The following OPN3 variants were observed in gnomAD, a reference collection of about 807,000 sequenced individuals.
OPN3 encodes the protein opsin 3.
OPN3 carries 29 observed loss-of-function variants against 33.8 expected under a neutral mutation model. The observed-to-expected ratio is 0.86, with a 90% CI of 0.64 to 1.17. OPN3 has a LOEUF of 1.17. Among genes scored for constraint, OPN3 ranks in the 50% most tolerant of loss-of-function variants. The pLI is 0.00. For synonymous variants in OPN3, 216 were observed against 216.1 expected (o/e 1.00, Z 0.00); for missense variants, 437 against 514.1 (o/e 0.85, Z 1.45).
intron 1 of OPN3, among the ~76,000 whole-genome samples, chr1:241,636,483 TTC>T (rs1393944806): frequency 1.3e-5 from 2 of 152,204 alleles, no homozygotes; most frequent in African/African-American, 4.8e-5. Context: ...TTCAAAATAT[TTC>T]TGTGGCCATT....
At chr1:241,635,713 C>A in intron 1 of OPN3, 3 of 1,613,944 alleles carry the variant, frequency 1.9e-6, no homozygotes, top group Non-Finnish European at 2.5e-6. Flanking sequence ...TGGATTCGGG[C>A]AAACCTGTCC....
Position 241,597,758 on chromosome 1 carries a change from G to A in OPN3, c.933C>T (p.Phe311=). ...NTVYNPVIYV[F]MIRKFRRSLL... The stretch of plus-strand genomic sequence containing the variant: ...TTGCAAAGCTTACCTTTCTGATCAT[G>A]AAGACATAAATCACTGGATTGTATA... Residue 311 remains phenylalanine (F), a synonymous_variant, in exon 3 of 4, where the codon TTC becomes TTT. Coordinates refer to ENST00000366554, the MANE Select transcript of OPN3 (RefSeq NM_014322.3). 6 of 1,612,346 alleles carry A rather than the reference G, an allele frequency of 3.7e-6. No homozygotes were observed. Among genetic ancestry groups the A allele is most frequent in the Non-Finnish European group, 5.1e-6 (6 of 1,179,116 alleles).
At position 241,593,825 on chromosome 1, in the gene OPN3, T is replaced by C. The variant is rs1663409268; in HGVS notation, c.*603A>G. 2 of 153,550 alleles carry C rather than the reference T, an allele frequency of 1.3e-5. No homozygotes were observed. The highest frequency in any genetic ancestry group is 4.8e-5 in the African/African-American group (2 of 41,468). 9.5% of individuals were successfully genotyped at this position (153,550 alleles called of 1,614,324 possible). Reference sequence around the variant, plus strand: ...TGGGGGAAGCAAATATATGGGAGTTTGCCTTGTAGATTCCTCTGGTGCTGG... The same window carrying C: ...TGGGGGAAGCAAATATATGGGAGTTCGCCTTGTAGATTCCTCTGGTGCTGG... On this transcript the variant is annotated 3_prime_UTR_variant, in exon 4 of 4. Coordinates refer to ENST00000366554, the MANE Select transcript of OPN3 (RefSeq NM_014322.3).
intron 1 of OPN3, among the ~76,000 whole-genome samples, chr1:241,612,903 C>G (rs184688420): frequency 6.6e-6 from 1 of 152,094 alleles, no homozygotes; most frequent in Non-Finnish European, 1.5e-5. Context: ...AAATCCCAAC[C>G]CAGATCTCCT....
Position 241,604,583 on chromosome 1 carries a change from C to A in OPN3, c.374-4G>T, listed in dbSNP as rs1398485322. ...AGGGTGGCAATGGAAACAATCCCTGCAAGAAGAGAAAGTGGAAAAGTATAG... is the reference window on the plus strand; with the variant it reads ...AGGGTGGCAATGGAAACAATCCCTGAAAGAAGAGAAAGTGGAAAAGTATAG... On this transcript the variant is annotated splice_polypyrimidine_tract_variant and splice_region_variant and intron_variant, in intron 1 of 3. Coordinates refer to ENST00000366554, the MANE Select transcript of OPN3 (RefSeq NM_014322.3). The A allele has an allele frequency of 1.9e-6, 3 of 1,605,194 alleles. No individual in the cohort carries two copies. The highest frequency in any genetic ancestry group is 1.7e-6 in the Non-Finnish European group (2 of 1,174,564).
At position 241,593,332 on chromosome 1, in the gene OPN3, A is replaced by G; in HGVS notation, c.*1096T>C. The G allele has an allele frequency of 2.4e-6, 1 of 422,218 alleles. No individual in the cohort carries two copies. The highest frequency in any genetic ancestry group is 1.7e-5 in the South Asian group (1 of 57,230). 26.2% of individuals were successfully genotyped at this position (422,218 alleles called of 1,614,324 possible). ...TGATTTTTAAAAGCACATTTAGTGA[A>G]ATGTTTTCTTTGGTTCATCCTTCTT... On this transcript the variant is annotated 3_prime_UTR_variant, in exon 4 of 4. Coordinates refer to ENST00000366554, the MANE Select transcript of OPN3 (RefSeq NM_014322.3).
In OPN3 at chr1:241,604,452, C is replaced by T. The variant is rs370046789; in HGVS notation, c.501G>A (p.Ala167=). 3.2e-5 allele frequency: 51 copies of T among 1,614,026 alleles called. No homozygotes were observed. Among genetic ancestry groups the T allele is most frequent in the African/African-American group, 1.1e-4 (8 of 74,916 alleles). The change falls in exon 2 of 4, where the codon GCG becomes GCA. Residue 167 remains alanine (A), a synonymous_variant. Transcript: ENST00000366554. ...AITYIWLYSL[A]WAGAPLLGWN... ...ATCCCAGGAGAGGTGCTCCTGCCCACGCCAGTGAGTAGAGCCAGATGTAGG... is the reference window on the plus strand; with the variant it reads ...ATCCCAGGAGAGGTGCTCCTGCCCATGCCAGTGAGTAGAGCCAGATGTAGG...
At chr1:241,633,859 G>C (rs374188147) in intron 1 of OPN3, 1 of 1,613,804 alleles carries the variant, frequency 6.2e-7, no homozygotes, top group Non-Finnish European at 8.5e-7. Flanking sequence ...ATTCTAGTTT[G>C]GCCATTACTA....
At chr1:241,615,825 C>T (rs1189677225) in intron 1 of OPN3, 1 of 456,270 alleles carries the variant, frequency 2.2e-6, no homozygotes, top group African/African-American at 2.0e-5. Context: ...AAAGCTTCAG[C>T]TGCTGCCACT....
rs368236787 is a variant in OPN3 at position 241,604,359 on chromosome 1, G to A, written c.594C>T (p.Asn198=). The change falls in exon 2 of 4, where the codon AAC becomes AAT. Residue 198 remains asparagine, a synonymous_variant. Transcript: ENST00000366554. ...CTVDWKSKDA[N]DSSFVLFLFL... The stretch of plus-strand genomic sequence containing the variant: ...ATAAGAAAAGCACAAAGGAGGAATC[G>A]TTGGCATCCTTGGATTTCCAGTCCA... 2.0e-5 allele frequency: 33 copies of A among 1,614,068 alleles called. No homozygotes were observed. Among genetic ancestry groups the A allele is most frequent in the African/African-American group, 5.3e-5 (4 of 74,918 alleles).
intron 1 of OPN3, among the ~76,000 whole-genome samples, chr1:241,616,662 G>A (rs1664141032): frequency 6.6e-6 from 1 of 152,020 alleles, no homozygotes; most frequent in Non-Finnish European, 1.5e-5. Flanking sequence ...ACATGACCAT[G>A]TTTCTTTCCA....
At chr1:241,610,082 C>T (rs936474741) in intron 1 of OPN3, among the ~76,000 whole-genome samples, 4 of 152,186 alleles carry the variant, frequency 2.6e-5, no homozygotes, top group East Asian at 3.8e-4. Context: ...CTTATGTACC[C>T]CCCAGCGGTT....
chr1:241,595,936 G>A (rs1663495274), intron 3 of OPN3, among the ~76,000 whole-genome samples: 1 of 152,164 alleles, frequency 6.6e-6, no homozygotes, highest in Admixed American at 6.5e-5. Context: ...GCTCTTTGAG[G>A]ACAAGGACCG....
intron 1 of OPN3, among the ~76,000 whole-genome samples, chr1:241,618,107 G>T (rs1198874020): frequency 5.3e-5 from 8 of 152,172 alleles, no homozygotes; most frequent in Admixed American, 5.2e-4. Flanking sequence ...TTAGAACAAG[G>T]CTAGTTCCCA....
intron 1 of OPN3, chr1:241,633,719 T>C: frequency 1.3e-6 from 2 of 1,484,386 alleles, no homozygotes; most frequent in Admixed American, 1.9e-5. Flanking sequence ...ATTACTCATA[T>C]GGGAAACTGT....
chr1:241,594,783 G>A, intron 3 of OPN3, 92 bp from the exon 4 acceptor site: 1 of 1,462,560 alleles, frequency 6.8e-7, no homozygotes, highest in Non-Finnish European at 9.3e-7. Context: ...CTGAATTTAA[G>A]TTGTTTTTTG....
In OPN3 at chr1:241,640,286, G is replaced by A. The variant is rs1665076198; in HGVS notation, c.-32C>T. 4.3e-6 allele frequency: 5 copies of A among 1,157,904 alleles called. No individual in the cohort carries two copies. The highest frequency in any genetic ancestry group is 5.3e-6 in the Non-Finnish European group (5 of 943,240). 71.7% of individuals were successfully genotyped at this position (1,157,904 alleles called of 1,614,324 possible). ...GCGCCGGCGCGCCTGGCGGGCGGAG[G>A]CGCTCAGCTTGCGGCGGGGCTCGCG... is the stretch of plus-strand genomic sequence containing the variant. On this transcript the variant is annotated 5_prime_UTR_variant, in exon 1 of 4. Transcript: ENST00000366554.
At position 241,594,308 on chromosome 1, in the gene OPN3, T is replaced by A; in HGVS notation, c.*120A>T. ...GAGCATATGGGCAATTCGGATTTCCTGCTGGACCACAAGGTTCTGTTGATA... is the reference window on the plus strand; with the variant it reads ...GAGCATATGGGCAATTCGGATTTCCAGCTGGACCACAAGGTTCTGTTGATA... On this transcript the variant is annotated 3_prime_UTR_variant, in exon 4 of 4. Transcript: ENST00000366554. 1 of 1,154,462 alleles carries A rather than the reference T, an allele frequency of 8.7e-7. No individual in the cohort carries two copies. The highest frequency in any genetic ancestry group is 1.5e-5 in the South Asian group (1 of 65,198). 71.5% of individuals were successfully genotyped at this position (1,154,462 alleles called of 1,614,324 possible).
chr1:241,604,818 G>A (rs1437651731), intron 1 of OPN3, among the ~76,000 whole-genome samples: 1 of 152,146 alleles, frequency 6.6e-6, no homozygotes, highest in African/African-American at 2.4e-5. Flanking sequence ...CACTTTGGGA[G>A]GCTGAGGTGG....
Sources: allele counts gnomAD v4.1 joint callset (sites outside exome capture counted in the v4.1 genomes callset), GRCh38; gene constraint gnomAD v4.1.1; transcripts MANE v1.5; gene names NCBI Gene and HGNC (gene_info 2026-07-23, HGNC 2026-07-21).